The following NOPCHAP1 variants were observed in gnomAD, a reference collection of about 807,000 sequenced individuals.
NOPCHAP1 encodes the protein DNA damage-sensitive RNA 1.
NOPCHAP1 carries 13 observed loss-of-function variants against 14.0 expected under a neutral mutation model. That is an observed-to-expected ratio of 0.93 (90% CI 0.60 to 1.47). The LOEUF (loss-of-function observed/expected upper bound fraction) is 1.47. NOPCHAP1 is among the 40% of genes most tolerant of loss of function. The pLI is 0.00. For missense variants in NOPCHAP1, 230 were observed against 226.9 expected (o/e 1.01, Z -0.09); for synonymous variants, 78 against 78.4 (o/e 1.00, Z 0.03).
Position 105,007,673 on chromosome 12 carries a change from C to T in NOPCHAP1, c.*12977C>T, listed in dbSNP as rs973600991. Reference sequence around the variant, plus strand: ...CCTCCCCTAGGCCCCCACCCCCCAACAGGCCCCAGTGTGTGATGTTCCCCT... The same window carrying T: ...CCTCCCCTAGGCCCCCACCCCCCAATAGGCCCCAGTGTGTGATGTTCCCCT... On this transcript the variant is annotated 3_prime_UTR_variant, in exon 4 of 4. Transcript: ENST00000552951. 5 of 149,214 alleles carry T rather than the reference C, an allele frequency of 3.4e-5. No homozygotes were observed. Among genetic ancestry groups the T allele is most frequent in the African/African-American group, 1.2e-4 (5 of 40,462 alleles). The allele number at this position is 149,214 out of a possible 1,614,324, so 9.2% of individuals were successfully genotyped here. A position where few individuals can be genotyped will look rare whatever the true frequency, so the allele number is the denominator to read the frequency against.
Position 105,008,650 on chromosome 12 carries a change from A to G in NOPCHAP1, c.*13954A>G, listed in dbSNP as rs1412845431. 1 of 152,118 alleles carries G rather than the reference A, an allele frequency of 6.6e-6. No homozygotes were observed. Among genetic ancestry groups the G allele is most frequent in the African/African-American group, 2.4e-5 (1 of 41,420 alleles). The allele number at this position is 152,118 out of a possible 1,614,324, so 9.4% of individuals were successfully genotyped here. On this transcript the variant is annotated 3_prime_UTR_variant, in exon 4 of 4. Transcript: ENST00000552951. Reference sequence around the variant, plus strand: ...TTAAGTCTTTAATCCATCGTGAGTTAATTTTTGTATAAGGTGTAAGAAAGG... The same window carrying G: ...TTAAGTCTTTAATCCATCGTGAGTTGATTTTTGTATAAGGTGTAAGAAAGG...
rs1358668348 is a variant in NOPCHAP1, at chr12:104,994,790, C to G, written c.*94C>G. ...ACGGGTTCTTTTGCTTTTCAGGCAC[C>G]TATGGTGCTTTTATATGTTAAAAAC... is the stretch of plus-strand genomic sequence containing the variant. On this transcript the variant is annotated 3_prime_UTR_variant, in exon 4 of 4. Transcript: ENST00000552951. 1 of 1,123,790 alleles carries G rather than the reference C, an allele frequency of 8.9e-7. No individual in the cohort carries two copies. The highest frequency in any genetic ancestry group is 1.6e-5 in the African/African-American group (1 of 63,154). The allele number at this position is 1,123,790 out of a possible 1,614,324, so 69.6% of individuals were successfully genotyped here.
chr12:104,991,497 T>C (rs1873372932), intron 2 of NOPCHAP1, among the ~76,000 whole-genome samples: 1 of 152,174 alleles, frequency 6.6e-6, no homozygotes, highest in Non-Finnish European at 1.5e-5. Context: ...CCTGGGGATA[T>C]ATGAGAAACA....
chr12:104,987,541 A>G (rs1361752596), intron 1 of NOPCHAP1, among the ~76,000 whole-genome samples: 1 of 152,010 alleles, frequency 6.6e-6, no homozygotes. Context: ...GAGTTAAGGG[A>G]TTTTCCGGGT....
At chr12:104,986,727 C>CA (rs1873246770) in intron 1 of NOPCHAP1, among the ~76,000 whole-genome samples, 1 of 152,190 alleles carries the variant, frequency 6.6e-6, no homozygotes, top group Non-Finnish European at 1.5e-5. Context: ...CCCACCCTGC[C>CA]AGGCGCCGCT....
intron 2 of NOPCHAP1, among the ~76,000 whole-genome samples, chr12:104,988,586 T>C (rs1018969252): frequency 1.3e-5 from 2 of 152,186 alleles, no homozygotes; most frequent in African/African-American, 2.4e-5. Context: ...CCACATCCCA[T>C]TGAATTGGAC....
At chr12:104,990,857 G>A (rs1873359530) in intron 2 of NOPCHAP1, among the ~76,000 whole-genome samples, 3 of 152,140 alleles carry the variant, frequency 2.0e-5, no homozygotes, top group African/African-American at 7.2e-5. Context: ...AATTATGTTG[G>A]CTCTTTTTAT....
At chr12:104,991,630 C>T in intron 2 of NOPCHAP1, 82 bp from the exon 3 acceptor site, 2 of 1,336,310 alleles carry the variant, frequency 1.5e-6, no homozygotes, top group Non-Finnish European at 2.0e-6. Flanking sequence ...TATTAATACT[C>T]AATTCAGAAG....
rs1328328676 is a variant in NOPCHAP1 at position 105,006,648 on chromosome 12, G to A, written c.*11952G>A. The A allele has an allele frequency of 2.6e-5, 4 of 152,194 alleles. No homozygotes were observed. Among genetic ancestry groups the A allele is most frequent in the African/African-American group, 9.7e-5 (4 of 41,450 alleles). The allele number at this position is 152,194 out of a possible 1,614,324, so 9.4% of individuals were successfully genotyped here. On this transcript the variant is annotated 3_prime_UTR_variant, in exon 4 of 4. Coordinates refer to ENST00000552951, the MANE Select transcript of NOPCHAP1 (RefSeq NM_152318.3). The stretch of plus-strand genomic sequence containing the variant: ...TCCCTTCCAGGCTCAGGGGTTAGCA[G>A]CCTTATAGATAAGGGCAGTCCTGAT...
chr12:105,000,304 G>A lies in NOPCHAP1; in HGVS notation c.*5608G>A, dbSNP rs571900014. ...ATAGCAGTGACATTTAGAACATCAAGGATTGCTTTCTCTTCCTTTGGGGTT... is the reference window on the plus strand; with the variant it reads ...ATAGCAGTGACATTTAGAACATCAAAGATTGCTTTCTCTTCCTTTGGGGTT... On this transcript the variant is annotated 3_prime_UTR_variant, in exon 4 of 4. Coordinates refer to ENST00000552951, the MANE Select transcript of NOPCHAP1 (RefSeq NM_152318.3). The A allele has an allele frequency of 6.6e-6, 1 of 152,284 alleles. No individual in the cohort carries two copies. The highest frequency in any genetic ancestry group is 1.9e-4 in the East Asian group (1 of 5,172). 9.4% of individuals were successfully genotyped at this position (152,284 alleles called of 1,614,324 possible). A position where few individuals can be genotyped will look rare whatever the true frequency, so the allele number is the denominator to read the frequency against.
chr12:104,986,635 G>T (rs1873243715), intron 1 of NOPCHAP1, among the ~76,000 whole-genome samples, 168 bp downstream of exon 1: 1 of 152,286 alleles, frequency 6.6e-6, no homozygotes, highest in South Asian at 2.1e-4. Context: ...GCAGGGGTGG[G>T]GGCTTTGGGG....
rs1264074909 is a variant in NOPCHAP1, at chr12:105,008,242, G to C, written c.*13546G>C. The stretch of plus-strand genomic sequence containing the variant: ...GATTTGCATTTCTCTAATAACCAGT[G>C]ATGATGAGCTTTTTTCATGTTTGTT... On this transcript the variant is annotated 3_prime_UTR_variant, in exon 4 of 4. Coordinates refer to ENST00000552951, the MANE Select transcript of NOPCHAP1 (RefSeq NM_152318.3). 1 of 152,236 alleles carries C rather than the reference G, an allele frequency of 6.6e-6. No individual in the cohort carries two copies. The highest frequency in any genetic ancestry group is 6.5e-5 in the Admixed American group (1 of 15,286). The allele number at this position is 152,236 out of a possible 1,614,324, so 9.4% of individuals were successfully genotyped here.
intron 1 of NOPCHAP1, among the ~76,000 whole-genome samples, chr12:104,987,259 A>G (rs573678888): frequency 5.9e-5 from 9 of 152,316 alleles, no homozygotes; most frequent in African/African-American, 2.2e-4. Flanking sequence ...CCCAGAAACT[A>G]ACTCATCTAA....
At position 105,010,325 on chromosome 12, in the gene NOPCHAP1, C is replaced by A. The variant is rs1438498162; in HGVS notation, c.*15629C>A. 6.6e-6 allele frequency: 1 copy of A among 151,990 alleles called. No homozygotes were observed. Among genetic ancestry groups the A allele is most frequent in the Non-Finnish European group, 1.5e-5 (1 of 68,002 alleles). 9.4% of individuals were successfully genotyped at this position (151,990 alleles called of 1,614,324 possible). A position where few individuals can be genotyped will look rare whatever the true frequency, so the allele number is the denominator to read the frequency against. ...TTCTGTGGGATCAGTGATGATATCC[C>A]CTTTATCATTTTTTATTGTGTCTGT... On this transcript the variant is annotated 3_prime_UTR_variant, in exon 4 of 4. Transcript: ENST00000552951.
rs1316247565 is a variant in NOPCHAP1 at position 104,992,115 on chromosome 12, A to AT, written c.339+267_339+268insT. 3.9e-5 allele frequency among the ~76,000 whole-genome samples: 6 copies of AT among 152,204 alleles called. No homozygotes were observed. The South Asian group carries it at 8.3e-4, about 21-fold the overall frequency. ...TCCTAACTGGGTTTTTTTCTGTCCAAGCCCCAAAAGAGGTAATCATAGCCT... is the reference window on the plus strand; with the variant it reads ...TCCTAACTGGGTTTTTTTCTGTCCAATGCCCCAAAAGAGGTAATCATAGCCT... On this transcript the variant is annotated intron_variant, in intron 3 of 3. Transcript: ENST00000552951.
rs183507957 is a variant in NOPCHAP1, at chr12:105,013,196, A to G, written c.*18500A>G. 7.7e-4 allele frequency: 118 copies of G among 152,438 alleles called. No homozygotes were observed. The highest frequency in any genetic ancestry group is 2.7e-3 in the African/African-American group (113 of 41,580). 9.4% of individuals were successfully genotyped at this position (152,438 alleles called of 1,614,324 possible). A position where few individuals can be genotyped will look rare whatever the true frequency, so the allele number is the denominator to read the frequency against. Reference sequence around the variant, plus strand: ...GATGCCCTGCCAGAGAGGAATCTAGAGAGGCAGTCTAGGCACAGCTGCTTT... The same window carrying G: ...GATGCCCTGCCAGAGAGGAATCTAGGGAGGCAGTCTAGGCACAGCTGCTTT... On this transcript the variant is annotated 3_prime_UTR_variant, in exon 4 of 4. Transcript: ENST00000552951.
Position 104,995,262 on chromosome 12 carries a change from T to G in NOPCHAP1, c.*566T>G, listed in dbSNP as rs1418797215. The G allele has an allele frequency of 2.0e-5, 3 of 153,510 alleles. No individual in the cohort carries two copies. Among genetic ancestry groups the G allele is most frequent in the Non-Finnish European group, 4.3e-5 (3 of 69,088 alleles). The allele number at this position is 153,510 out of a possible 1,614,324, so 9.5% of individuals were successfully genotyped here. A position where few individuals can be genotyped will look rare whatever the true frequency, so the allele number is the denominator to read the frequency against. On this transcript the variant is annotated 3_prime_UTR_variant, in exon 4 of 4. Transcript: ENST00000552951. The stretch of plus-strand genomic sequence containing the variant: ...CCAGCATGTCGTCCACTGTTTGGGA[T>G]GCCTGCAAACTAACCATTAGCTCCT...
chr12:105,002,853 A>C lies in NOPCHAP1; in HGVS notation c.*8157A>C, dbSNP rs958570882. ...CTGGAAGCTTAATTTTTGACCATGG[A>C]GTAAAGGTGGTTATGGCAGGCAGGC... On this transcript the variant is annotated 3_prime_UTR_variant, in exon 4 of 4. Transcript: ENST00000552951. The C allele has an allele frequency of 6.6e-6, 1 of 152,106 alleles. No individual in the cohort carries two copies. The highest frequency in any genetic ancestry group is 6.5e-5 in the Admixed American group (1 of 15,280). 9.4% of individuals were successfully genotyped at this position (152,106 alleles called of 1,614,324 possible).
Position 104,996,233 on chromosome 12 carries a change from G to A in NOPCHAP1, c.*1537G>A, listed in dbSNP as rs575022478. The A allele has an allele frequency of 1.3e-5, 2 of 152,088 alleles. No individual in the cohort carries two copies. Among genetic ancestry groups the A allele is most frequent in the Non-Finnish European group, 2.9e-5 (2 of 67,970 alleles). The allele number at this position is 152,088 out of a possible 1,614,324, so 9.4% of individuals were successfully genotyped here. A position where few individuals can be genotyped will look rare whatever the true frequency, so the allele number is the denominator to read the frequency against. ...AGGCTGGAAAAGAGGGCTACCTAGT[G>A]GTATTTGAGCATCAGTCAGTTCAGT... On this transcript the variant is annotated 3_prime_UTR_variant, in exon 4 of 4. Coordinates refer to ENST00000552951, the MANE Select transcript of NOPCHAP1 (RefSeq NM_152318.3).
Sources: gnomAD v4.1 joint callset for allele counts (sites outside exome capture counted in the v4.1 genomes callset) on GRCh38, gnomAD v4.1.1 for gene constraint, MANE v1.5 for transcripts, NCBI Gene and HGNC (gene_info 2026-07-23, HGNC 2026-07-21) for gene names.